Variants in ELOVL7 observed in about 807,000 individuals in gnomAD.
ELOVL7 encodes the protein very long chain fatty acid elongase 7.
ELOVL7 carries 27 observed loss-of-function variants against 35.7 expected under a neutral mutation model. The observed-to-expected ratio is 0.76, with a 90% CI of 0.56 to 1.04. The LOEUF (loss-of-function observed/expected upper bound fraction) is 1.04. Among genes scored for constraint, ELOVL7 ranks in the 50% least tolerant of loss-of-function variants. The pLI, the probability that ELOVL7 is intolerant of heterozygous loss-of-function variation, is 0.00. For missense variants in ELOVL7, 327 were observed against 340.8 expected, an observed-to-expected ratio of 0.96 and a Z score of 0.32; for synonymous variants, 113 against 114.6, an observed-to-expected ratio of 0.99 and a Z score of 0.09.
chr5:60,762,105 A>G (rs1563522), intron 7 of ELOVL7, among the ~76,000 whole-genome samples: 29,986 of 151,960 alleles, frequency 0.2, 5,542 homozygotes, highest in African/African-American at 0.49. Context: ...ACTATCTTCT[A>G]CTATTCTCAT....
rs1238470704 is a variant in ELOVL7, at chr5:60,835,742, C to T, written c.-86+8418G>A. On this transcript the variant is annotated intron_variant, in intron 1 of 8. Coordinates refer to ENST00000508821, the MANE Select transcript of ELOVL7 (RefSeq NM_024930.3). ...TTCTGATTTTTTTAGTTTTCCTGAC[C>T]CCTTAGTGACTCACTTTTATGGAAC... Among the ~76,000 whole-genome samples, 7 of 152,012 alleles carry T rather than the reference C, an allele frequency of 4.6e-5. 1 individual carries two copies. The highest frequency in any genetic ancestry group is 1.5e-4 in the African/African-American group (6 of 41,378).
At chr5:60,831,113 C>T (rs1746457126) in intron 1 of ELOVL7, among the ~76,000 whole-genome samples, 1 of 152,056 alleles carries the variant, frequency 6.6e-6, no homozygotes, top group African/African-American at 2.4e-5. Context: ...AAGTAAAAAC[C>T]TTTCTTCCTA....
At chr5:60,804,542 C>T (rs1744821125) in intron 1 of ELOVL7, among the ~76,000 whole-genome samples, 1 of 152,170 alleles carries the variant, frequency 6.6e-6, no homozygotes, top group African/African-American at 2.4e-5. Context: ...ATCTTAAAAA[C>T]TGTACAGATG....
At chr5:60,841,349 G>A (rs368350110) in intron 1 of ELOVL7, among the ~76,000 whole-genome samples, 2 of 152,140 alleles carry the variant, frequency 1.3e-5, no homozygotes, top group African/African-American at 4.8e-5. Flanking sequence ...ATACTATATG[G>A]AGTATGATGA....
chr5:60,799,008 C>T (rs1221046236), intron 2 of ELOVL7, among the ~76,000 whole-genome samples, 172 bp downstream of exon 2: 2 of 152,150 alleles, frequency 1.3e-5, no homozygotes, highest in African/African-American at 4.8e-5. Context: ...TATCAAGCAT[C>T]TTTTCTTGTC....
At chr5:60,783,173 C>A (rs1040740036) in intron 3 of ELOVL7, among the ~76,000 whole-genome samples, 1 of 152,108 alleles carries the variant, frequency 6.6e-6, no homozygotes, top group African/African-American at 2.4e-5. Flanking sequence ...GGCTACAGCA[C>A]CCCTCACTAG....
chr5:60,771,843 G>A, intron 4 of ELOVL7, 60 bp downstream of exon 4: 2 of 1,200,986 alleles, frequency 1.7e-6, no homozygotes, highest in South Asian at 1.6e-5. Context: ...AAAACATAAT[G>A]ACACATAAAC....
intron 1 of ELOVL7, among the ~76,000 whole-genome samples, chr5:60,815,932 G>A (rs568693773): frequency 6.2e-4 from 95 of 152,322 alleles, no homozygotes; most frequent in South Asian, 3.7e-3. Flanking sequence ...CAGATCTGAG[G>A]CATGTCCTGG....
chr5:60,809,933 T>A (rs1376578408), intron 1 of ELOVL7, among the ~76,000 whole-genome samples: 1 of 152,212 alleles, frequency 6.6e-6, no homozygotes, highest in Non-Finnish European at 1.5e-5. Flanking sequence ...TGAGGTGGAA[T>A]GAATCTTGGT....
intron 1 of ELOVL7, among the ~76,000 whole-genome samples, chr5:60,831,803 A>C (rs1296413935): frequency 6.6e-6 from 1 of 152,212 alleles, no homozygotes. Context: ...AGCAAAAAAC[A>C]AACCATTAGA....
intron 2 of ELOVL7, among the ~76,000 whole-genome samples, chr5:60,789,626 A>C (rs755530902): frequency 6.6e-6 from 1 of 152,224 alleles, no homozygotes; most frequent in South Asian, 2.1e-4. Context: ...CTTATCCTGT[A>C]GAAATACATA....
At chr5:60,760,135 G>A (rs962935526) in intron 7 of ELOVL7, among the ~76,000 whole-genome samples, 24 of 152,104 alleles carry the variant, frequency 1.6e-4, no homozygotes, top group African/African-American at 5.8e-4. Flanking sequence ...ATGATTTATA[G>A]TCCTTTGGGT....
At chr5:60,773,384 C>A (rs1742716279) in intron 3 of ELOVL7, among the ~76,000 whole-genome samples, 1 of 152,028 alleles carries the variant, frequency 6.6e-6, no homozygotes. Context: ...TTCTGAATAC[C>A]CCTGCAAGTG....
intron 3 of ELOVL7, among the ~76,000 whole-genome samples, chr5:60,779,940 C>T (rs1343192207): frequency 6.6e-6 from 1 of 152,076 alleles, no homozygotes; most frequent in African/African-American, 2.4e-5. Context: ...ATCTCTAGGG[C>T]AGGGGCAAAA....
At chr5:60,806,725 C>T (rs1744947381) in intron 1 of ELOVL7, among the ~76,000 whole-genome samples, 2 of 152,134 alleles carry the variant, frequency 1.3e-5, no homozygotes, top group South Asian at 4.1e-4. Context: ...TGCGGTCTCT[C>T]TCCTTGGCTT....
intron 1 of ELOVL7, among the ~76,000 whole-genome samples, chr5:60,839,116 T>G (rs1747008723): frequency 6.6e-6 from 1 of 151,792 alleles, no homozygotes; most frequent in South Asian, 2.1e-4. Context: ...GGTGAGCAGA[T>G]CATCACCTGA....
chr5:60,752,484 A>C lies in ELOVL7; in HGVS notation c.*2140T>G, dbSNP rs942774380. The C allele has an allele frequency of 1.3e-5, 2 of 152,460 alleles. No individual in the cohort carries two copies. Among genetic ancestry groups the C allele is most frequent in the Non-Finnish European group, 2.9e-5 (2 of 68,004 alleles). The allele number at this position is 152,460 out of a possible 1,614,324, so 9.4% of individuals were successfully genotyped here. A position where few individuals can be genotyped will look rare whatever the true frequency, so the allele number is the denominator to read the frequency against. On this transcript the variant is annotated 3_prime_UTR_variant, in exon 9 of 9. Coordinates refer to ENST00000508821, the MANE Select transcript of ELOVL7 (RefSeq NM_024930.3). ...CTCTATACTACTTGGGTTCTTTGGAAATGGTGTGATTTCTAACAGCACCTA... is the reference window on the plus strand; with the variant it reads ...CTCTATACTACTTGGGTTCTTTGGACATGGTGTGATTTCTAACAGCACCTA...
chr5:60,808,723 AT>A (rs1265544049), intron 1 of ELOVL7, among the ~76,000 whole-genome samples: 2 of 152,156 alleles, frequency 1.3e-5, no homozygotes, highest in Non-Finnish European at 2.9e-5. Flanking sequence ...AACAACTGAA[AT>A]TTTCTTTGAC....
At chr5:60,808,712 AAAC>A (rs1466926606) in intron 1 of ELOVL7, among the ~76,000 whole-genome samples, 1 of 152,208 alleles carries the variant, frequency 6.6e-6, no homozygotes, top group Non-Finnish European at 1.5e-5. Context: ...CCAAAATAAT[AAAC>A]AACTGAAATT....
Sources: gnomAD v4.1 joint callset for allele counts (sites outside exome capture counted in the v4.1 genomes callset) on GRCh38, gnomAD v4.1.1 for gene constraint, MANE v1.5 for transcripts, NCBI Gene and HGNC (gene_info 2026-07-23, HGNC 2026-07-21) for gene names.